CRTC3: variants seen among roughly 807,000 people sequenced by gnomAD.
CRTC3 encodes CREB-regulated transcription coactivator 3.
A neutral mutation model predicts 74.5 loss-of-function variants in CRTC3; 26 were observed. That is an observed-to-expected ratio of 0.35 (90% confidence interval 0.26 to 0.48). The LOEUF (loss-of-function observed/expected upper bound fraction) is 0.48. Among genes scored for constraint, CRTC3 ranks in the 20% least tolerant of loss-of-function variants. The probability of loss-of-function intolerance (pLI) is 0.99; values close to 1 mark genes in which losing one functional copy is unlikely to be tolerated. For synonymous variants in CRTC3, 377 were observed against 325.8 expected, an observed-to-expected ratio of 1.16 and a Z score of -1.69; for missense variants, 760 against 787.3, an observed-to-expected ratio of 0.97 and a Z score of 0.41.
chr15:90,602,488 A>G, intron 4 of CRTC3, 103 bp downstream of exon 4: 4 of 709,614 alleles, frequency 5.6e-6, no homozygotes, highest in Admixed American at 2.5e-5. Context: ...AATATAAAGC[A>G]TAGAATCCTG....
At position 90,629,281 on chromosome 15, in the gene CRTC3, A is replaced by G. The variant is rs1308684078; in HGVS notation, c.1015A>G (p.Lys339Glu). Residue 339 changes from lysine (K) to glutamate (E), a missense_variant, in exon 11 of 15, where the codon AAG becomes GAG. By Grantham distance (56) the Lys-to-Glu change is moderately conservative. This residue lies in a region of CRTC3 where 652 missense variants were observed against 635.2 expected (regional missense o/e 1.03). Coordinates refer to ENST00000268184, the MANE Select transcript of CRTC3 (RefSeq NM_022769.5). Reference sequence around the variant, plus strand: ...CCCCTCCATCCAAGCCACGCTCAATAAGACTGTGCTTTCCTCTTCCTTAAA... The same window carrying G: ...CCCCTCCATCCAAGCCACGCTCAATGAGACTGTGCTTTCCTCTTCCTTAAA... ...SNPSIQATLN[K>E]TVLSSSLNNH... The G allele has an allele frequency of 6.2e-7, 1 of 1,614,006 alleles. No homozygotes were observed. The highest frequency in any genetic ancestry group is 8.5e-7 in the Non-Finnish European group (1 of 1,180,020).
intron 6 of CRTC3, among the ~76,000 whole-genome samples, chr15:90,608,281 C>T (rs1010893960): frequency 3.9e-5 from 6 of 152,136 alleles, no homozygotes; most frequent in Admixed American, 6.5e-5. Flanking sequence ...TCAGTGCCAC[C>T]CCTCACCTTC....
At position 90,644,208 on chromosome 15, in the gene CRTC3, G is replaced by C. The variant is rs1309891981; in HGVS notation, c.*2068G>C. The stretch of plus-strand genomic sequence containing the variant: ...CACTTTCAGATCCCTTTGTGCTCAA[G>C]ATCTCAGAGGGGGTGGCTTTTTGTT... On this transcript the variant is annotated 3_prime_UTR_variant, in exon 15 of 15. Coordinates refer to ENST00000268184, the MANE Select transcript of CRTC3 (RefSeq NM_022769.5). The C allele has an allele frequency of 4.4e-6, 1 of 228,430 alleles. No individual in the cohort carries two copies. Among genetic ancestry groups the C allele is most frequent in the Non-Finnish European group, 8.7e-6 (1 of 115,194 alleles). 14.2% of individuals were successfully genotyped at this position (228,430 alleles called of 1,614,324 possible). A position where few individuals can be genotyped will look rare whatever the true frequency, so the allele number is the denominator to read the frequency against.
intron 2 of CRTC3, among the ~76,000 whole-genome samples, chr15:90,555,846 A>G (rs1157465395): frequency 2.0e-5 from 3 of 152,018 alleles, no homozygotes; most frequent in African/African-American, 7.2e-5. Flanking sequence ...TCCATTTTTA[A>G]ACCTTTACGT....
intron 10 of CRTC3, among the ~76,000 whole-genome samples, chr15:90,626,771 C>T (rs757071621): frequency 3.9e-5 from 6 of 152,118 alleles, no homozygotes; most frequent in Non-Finnish European, 8.8e-5. Context: ...GCCACGATGC[C>T]GAGCTAATCG....
intron 2 of CRTC3, among the ~76,000 whole-genome samples, chr15:90,554,280 T>G (rs1040738301): frequency 6.6e-6 from 1 of 151,850 alleles, no homozygotes; most frequent in Admixed American, 6.6e-5. Context: ...CTTGGCTCAC[T>G]GCAACCTCCC....
intron 1 of CRTC3, among the ~76,000 whole-genome samples, chr15:90,533,481 G>A (rs184294386): frequency 5.9e-5 from 9 of 151,664 alleles, no homozygotes; most frequent in Admixed American, 5.9e-4. Context: ...AGGCTGTTCT[G>A]TTGTTCATTT....
At chr15:90,640,482 T>A (rs956068129) in intron 13 of CRTC3, among the ~76,000 whole-genome samples, 1 of 152,040 alleles carries the variant, frequency 6.6e-6, no homozygotes, top group Non-Finnish European at 1.5e-5. Context: ...ACTCAGGAGT[T>A]TGAGACCAGC....
chr15:90,555,407 C>T (rs1027907561), intron 2 of CRTC3, among the ~76,000 whole-genome samples: 2 of 152,162 alleles, frequency 1.3e-5, no homozygotes, highest in Admixed American at 6.5e-5. Context: ...GAAGAAAATG[C>T]AGACACTATC....
At position 90,642,524 on chromosome 15, in the gene CRTC3, G is replaced by A. The variant is rs757494283; in HGVS notation, c.*384G>A. On this transcript the variant is annotated 3_prime_UTR_variant, in exon 15 of 15. Transcript: ENST00000268184. ...TGCTCAGAACCACTGATCTCCGTCC[G>A]CACCGAAGGCGGGCCCGGAGTGGGA... The A allele has an allele frequency of 2.2e-5, 7 of 323,774 alleles. No homozygotes were observed. Among genetic ancestry groups the A allele is most frequent in the South Asian group, 4.9e-5 (1 of 20,202 alleles). 20.1% of individuals were successfully genotyped at this position (323,774 alleles called of 1,614,324 possible).
intron 2 of CRTC3, among the ~76,000 whole-genome samples, chr15:90,567,683 C>G (rs757485159): frequency 2.2e-5 from 1 of 45,512 alleles, no homozygotes; most frequent in Non-Finnish European, 6.8e-5. Context: ...AGTGAAACTC[C>G]GTCTCAAAAA....
intron 2 of CRTC3, among the ~76,000 whole-genome samples, chr15:90,546,219 G>A (rs1228626509): frequency 1.3e-5 from 2 of 152,020 alleles, no homozygotes; most frequent in Non-Finnish European, 2.9e-5. Flanking sequence ...ATTTTTTTGT[G>A]TGGTACAGGG....
intron 7 of CRTC3, among the ~76,000 whole-genome samples, chr15:90,617,180 G>A (rs547182262): frequency 6.6e-6 from 1 of 152,236 alleles, no homozygotes; most frequent in African/African-American, 2.4e-5. Flanking sequence ...GCTCCCCCCA[G>A]TGCCCAGCTC....
At chr15:90,541,907 C>T (rs1966809412) in intron 2 of CRTC3, among the ~76,000 whole-genome samples, 1 of 151,100 alleles carries the variant, frequency 6.6e-6, no homozygotes, top group Admixed American at 6.6e-5. Flanking sequence ...GCCTCAGCCT[C>T]CTGAGTAGCT....
chr15:90,571,793 C>T (rs1380918270), intron 2 of CRTC3, among the ~76,000 whole-genome samples: 11 of 152,078 alleles, frequency 7.2e-5, no homozygotes, highest in Admixed American at 7.2e-4. Flanking sequence ...GAAGTATATG[C>T]AAGCGTGTGT....
intron 2 of CRTC3, among the ~76,000 whole-genome samples, chr15:90,576,265 A>G (rs1967401433): frequency 6.6e-6 from 1 of 152,152 alleles, no homozygotes; most frequent in Non-Finnish European, 1.5e-5. Flanking sequence ...ATACAATACA[A>G]TAAATAAAAA....
intron 3 of CRTC3, chr15:90,598,201 GCC>G: frequency 1.9e-6 from 1 of 529,658 alleles, no homozygotes; most frequent in South Asian, 2.3e-5. Flanking sequence ...CAGTTCCTGA[GCC>G]CTGCCCAGGT....
intron 13 of CRTC3, 107 bp downstream of exon 13, chr15:90,638,922 T>TA: frequency 1.1e-6 from 1 of 930,352 alleles, no homozygotes; most frequent in Non-Finnish European, 1.7e-6. Context: ...GCCACTTTCC[T>TA]GGTTCTGGTT....
intron 2 of CRTC3, among the ~76,000 whole-genome samples, chr15:90,556,765 A>G (rs564930780): frequency 1.3e-5 from 2 of 152,220 alleles, no homozygotes; most frequent in East Asian, 3.9e-4. Context: ...GAGAAATATG[A>G]CTCAAGAAAA....
Sources: gnomAD v4.1 joint callset for allele counts (sites outside exome capture counted in the v4.1 genomes callset) on GRCh38, gnomAD v4.1.1 for gene constraint, gnomAD v4.1.1 regional missense constraint, MANE v1.5 for transcripts, NCBI Gene and HGNC (gene_info 2026-07-23, HGNC 2026-07-21) for gene names.